Variants in ABLIM1 observed in about 807,000 individuals in gnomAD.
ABLIM1 encodes actin-binding LIM protein 1.
In ABLIM1, 40 loss-of-function variants were observed where a neutral mutation model predicts 107.0. That is an observed-to-expected ratio of 0.37 (90% CI 0.29 to 0.49). The LOEUF is 0.49. Among genes scored for constraint, ABLIM1 ranks in the 20% least tolerant of loss-of-function variants. The pLI is 0.97. For missense variants in ABLIM1, 857 were observed against 1,008.5 expected (o/e 0.85, Z 2.04); for synonymous variants, 357 against 357.3 (o/e 1.00, Z 0.01).
intron 6 of ABLIM1, among the ~76,000 whole-genome samples, chr10:114,521,941 A>G (rs997255292): frequency 1.3e-5 from 2 of 152,176 alleles, no homozygotes; most frequent in Non-Finnish European, 2.9e-5. Flanking sequence ...GGGCAGGTGG[A>G]AGCAACTTTA....
upstream of ABLIM1, among the ~76,000 whole-genome samples, chr10:114,771,602 C>G (rs1337674683): frequency 3.3e-5 from 5 of 152,314 alleles, no homozygotes; most frequent in South Asian, 1.0e-3. Flanking sequence ...ACCAATTCTT[C>G]CAATCATACA....
chr10:114,768,163 C>T (rs2082952102), upstream of ABLIM1: 2 of 229,628 alleles, frequency 8.7e-6, no homozygotes, highest in Non-Finnish European at 1.8e-5. Context: ...CCGCCCGGCC[C>T]CGGCCCCCTC....
chr10:114,512,855 A>AGAAGGAAGGAAG (rs869261400), intron 6 of ABLIM1, among the ~76,000 whole-genome samples: 7 of 51,320 alleles, frequency 1.4e-4, no homozygotes, highest in Admixed American at 4.2e-4. Flanking sequence ...AAGGAAGGAA[A>AGAAGGAAGGAAG]GAAGGAAGGA....
chr10:114,472,913 T>C (rs2066865794), intron 10 of ABLIM1, 64 bp downstream of exon 10: 1 of 1,440,396 alleles, frequency 6.9e-7, no homozygotes, highest in Admixed American at 2.4e-5. Flanking sequence ...ATGGTAGTTA[T>C]TACAAATGTG....
chr10:114,476,290 A>T (rs1270138517), intron 8 of ABLIM1, among the ~76,000 whole-genome samples: 1 of 152,164 alleles, frequency 6.6e-6, no homozygotes, highest in African/African-American at 2.4e-5. Context: ...ATATCTCAAT[A>T]TGAGAAAATT....
upstream of ABLIM1, chr10:114,768,147 G>C (rs2082951330): frequency 3.0e-6 from 1 of 329,300 alleles, no homozygotes; most frequent in Admixed American, 3.4e-5. Context: ...GGCAGCCCCG[G>C]AGCGCCCGCC....
intron 6 of ABLIM1, among the ~76,000 whole-genome samples, chr10:114,514,014 C>A (rs2062370871): frequency 6.6e-6 from 1 of 152,210 alleles, no homozygotes; most frequent in Non-Finnish European, 1.5e-5. Flanking sequence ...GCTCCACAAG[C>A]ATCACTTTTA....
chr10:114,758,562 C>T (rs2082679440), intron 1 of ABLIM1, among the ~76,000 whole-genome samples: 1 of 152,096 alleles, frequency 6.6e-6, no homozygotes, highest in African/African-American at 2.4e-5. Flanking sequence ...TGGCTCTGTC[C>T]CCTCCCTCCT....
rs372114619 is a variant in ABLIM1 at position 114,627,978 on chromosome 10, C to T, written c.245-26017G>A. Among the ~76,000 whole-genome samples the T allele has an allele frequency of 1.6e-4, 24 of 152,180 alleles. 2 individuals carry two copies. The South Asian group carries it at 3.7e-3, about 24-fold the overall frequency. ...TCTCTAATAAAAATACAAAATTAGC[C>T]GGGCGTGGTGGTGCATGCCTGTAAT... On this transcript the variant is annotated intron_variant, in intron 1 of 22. Transcript: ENST00000533213.
chr10:114,697,818 C>T (rs931975170), intron 1 of ABLIM1, among the ~76,000 whole-genome samples: 9 of 152,148 alleles, frequency 5.9e-5, no homozygotes, highest in African/African-American at 2.2e-4. Flanking sequence ...ATTATATCAT[C>T]TTCCTTAGGG....
intron 1 of ABLIM1, among the ~76,000 whole-genome samples, chr10:114,649,872 T>C (rs80295235): frequency 5.9e-5 from 9 of 152,160 alleles, no homozygotes; most frequent in Admixed American, 5.9e-4. Context: ...CTTTTTTTTT[T>C]TGAGACAAAG....
At chr10:114,507,640 T>C (rs2061339310) in intron 6 of ABLIM1, among the ~76,000 whole-genome samples, 1 of 152,204 alleles carries the variant, frequency 6.6e-6, no homozygotes. Flanking sequence ...CCACACCTGC[T>C]GTACCAGGCG....
rs774194946 is a variant in ABLIM1 at position 114,445,402 on chromosome 10, T to C, written c.1737A>G (p.Gly579=). The C allele has an allele frequency of 5.0e-6, 8 of 1,613,884 alleles. No homozygotes were observed. In the South Asian group the frequency reaches 8.8e-5, roughly 18 times the overall value. Residue 579 remains glycine (G), a splice_region_variant and synonymous_variant, in exon 16 of 23, where the codon GGA becomes GGG. Coordinates refer to ENST00000533213, the MANE Select transcript of ABLIM1 (RefSeq NM_002313.7). ...CACTAGATCTGCGTTTCATGTCAGGTCCTAATTCCACAGCAAAGACAACTT... is the reference window on the plus strand; with the variant it reads ...CACTAGATCTGCGTTTCATGTCAGGCCCTAATTCCACAGCAAAGACAACTT... ...WPGPPSFAVV[G]PDMKRRSSGR... is the part of the protein sequence containing the mutation.
chr10:114,719,064 C>A (rs1397353218), intron 1 of ABLIM1, among the ~76,000 whole-genome samples: 3 of 152,042 alleles, frequency 2.0e-5, no homozygotes, highest in Non-Finnish European at 4.4e-5. Flanking sequence ...ATAGGGTAAA[C>A]CTGGCAAGAA....
chr10:114,614,714 T>A (rs947022728), intron 1 of ABLIM1, among the ~76,000 whole-genome samples: 8 of 152,096 alleles, frequency 5.3e-5, no homozygotes, highest in Non-Finnish European at 1.0e-4. Context: ...AATTGATCCC[T>A]CACTAAAGTA....
At chr10:114,463,506 A>G (rs879545262) in intron 12 of ABLIM1, among the ~76,000 whole-genome samples, 1 of 152,194 alleles carries the variant, frequency 6.6e-6, no homozygotes, top group East Asian at 1.9e-4. Flanking sequence ...AGCACCTGAC[A>G]CAACAGAACC....
At chr10:114,591,488 T>C (rs1276987216) in intron 2 of ABLIM1, among the ~76,000 whole-genome samples, 1 of 152,198 alleles carries the variant, frequency 6.6e-6, no homozygotes, top group African/African-American at 2.4e-5. Context: ...CATTGTCTGA[T>C]AAAATCCCTG....
intron 1 of ABLIM1, among the ~76,000 whole-genome samples, chr10:114,645,456 G>A (rs756743819): frequency 9.2e-5 from 14 of 151,738 alleles, no homozygotes; most frequent in Non-Finnish European, 1.3e-4. Flanking sequence ...AGTTTTCCTC[G>A]CAGAGTCTCT....
At chr10:114,680,322 A>G (rs551709492) in intron 1 of ABLIM1, among the ~76,000 whole-genome samples, 1 of 152,352 alleles carries the variant, frequency 6.6e-6, no homozygotes, top group East Asian at 1.9e-4. Flanking sequence ...AATTTGGCCA[A>G]GATTACACAG....
Sources: allele counts gnomAD v4.1 joint callset (sites outside exome capture counted in the v4.1 genomes callset), GRCh38; gene constraint gnomAD v4.1.1; transcripts MANE v1.5; gene names NCBI Gene and HGNC (gene_info 2026-07-23, HGNC 2026-07-21).